Variants in MTPAP observed in about 807,000 individuals in gnomAD.
MTPAP encodes poly(A) RNA polymerase, mitochondrial.
In MTPAP, 23 loss-of-function variants were observed where a neutral mutation model predicts 48.7. That is an observed-to-expected ratio of 0.47 (90% CI 0.34 to 0.67). The LOEUF is 0.67. Ranked by LOEUF, MTPAP falls within the 30% of genes least tolerant of loss-of-function variation. MTPAP has a pLI of 0.01. For missense variants in MTPAP, 614 were observed against 694.3 expected (o/e 0.88, Z 1.30); for synonymous variants, 257 against 254.1 (o/e 1.01, Z -0.11).
intron 5 of MTPAP, among the ~76,000 whole-genome samples, chr10:30,324,909 C>A (rs370696230): frequency 6.6e-6 from 1 of 151,786 alleles, no homozygotes; most frequent in East Asian, 1.9e-4. Flanking sequence ...TTGATTGAAG[C>A]CAGGAGGCGG....
At chr10:30,337,949 G>C (rs757867040) in intron 3 of MTPAP, among the ~76,000 whole-genome samples, 8 of 152,096 alleles carry the variant, frequency 5.3e-5, no homozygotes, top group Non-Finnish European at 5.9e-5. Flanking sequence ...AACTTCAAAT[G>C]CTCTTATTTG....
chr10:30,323,672 G>A (rs1313376620), intron 5 of MTPAP, among the ~76,000 whole-genome samples: 2 of 151,976 alleles, frequency 1.3e-5, no homozygotes, highest in Admixed American at 6.6e-5. Flanking sequence ...ACCACGCCCG[G>A]CTAATTTTTT....
chr10:30,313,115 AT>A lies in MTPAP; in HGVS notation c.*493del. 5.8e-6 allele frequency: 1 copy of A among 173,120 alleles called. No homozygotes were observed. The highest frequency in any genetic ancestry group is 1.4e-4 in the South Asian group (1 of 7,116). The allele number at this position is 173,120 out of a possible 1,614,324, so 10.7% of individuals were successfully genotyped here. On this transcript the variant is annotated 3_prime_UTR_variant, in exon 9 of 9. Coordinates refer to ENST00000263063, the MANE Select transcript of MTPAP (RefSeq NM_018109.4). ...AACGTACTGTACATAACTAAAAGTC[AT>A]TTTAAATGTTTTCTAAACAGGGACT...
intron 4 of MTPAP, among the ~76,000 whole-genome samples, chr10:30,331,058 G>T (rs1025809565): frequency 6.6e-6 from 1 of 152,128 alleles, no homozygotes; most frequent in Non-Finnish European, 1.5e-5. Flanking sequence ...TGCAAGCCAC[G>T]AAGAATCACA....
Position 30,313,742 on chromosome 10 carries a change from T to C in MTPAP, c.1616A>G (p.Lys539Arg). Residue 539 changes from lysine to arginine, a missense_variant, in exon 9 of 9, where the codon AAG becomes AGG. Coordinates refer to ENST00000263063, the MANE Select transcript of MTPAP (RefSeq NM_018109.4). ...SLLLPSAPNR[K>R]SFTKKKSNKF... ...ATTGCTTTTCTTCTTGGTAAAGGAC[T>C]TTCTGTTTGGAGCAGATGGTAGCAA... 6.2e-7 allele frequency: 1 copy of C among 1,614,238 alleles called. No individual in the cohort carries two copies. The highest frequency in any genetic ancestry group is 8.5e-7 in the Non-Finnish European group (1 of 1,180,030).
intron 5 of MTPAP, among the ~76,000 whole-genome samples, chr10:30,323,611 G>A (rs971842817): frequency 5.9e-5 from 9 of 152,172 alleles, no homozygotes; most frequent in Non-Finnish European, 8.8e-5. Context: ...CTGGGTTCAC[G>A]CCATTCTCCT....
chr10:30,347,649 T>C (rs1158294211), intron 1 of MTPAP, among the ~76,000 whole-genome samples: 1 of 152,184 alleles, frequency 6.6e-6, no homozygotes, highest in Non-Finnish European at 1.5e-5. Context: ...CCCAGCACTT[T>C]GGGAGGCCAA....
At chr10:30,339,623 T>C (rs12250500) in intron 3 of MTPAP, among the ~76,000 whole-genome samples, 3,708 of 152,164 alleles carry the variant, frequency 0.024, 135 homozygotes, top group African/African-American at 0.084. Context: ...TTCAGAAGAA[T>C]GTGGTTACCT....
Position 30,336,753 on chromosome 10 carries a change from A to C in MTPAP, c.780+50T>G. ...ATTAAGTTCAAAGATTTTTCTTTTT[A>C]TACTTTCTTAACTTTACATGATTAT... On this transcript the variant is annotated intron_variant, in intron 4 of 8. Coordinates refer to ENST00000263063, the MANE Select transcript of MTPAP (RefSeq NM_018109.4). The C allele has an allele frequency of 2.1e-6, 3 of 1,412,568 alleles. No individual in the cohort carries two copies. In the South Asian group the frequency reaches 3.5e-5, roughly 16 times the overall value. 87.5% of individuals were successfully genotyped at this position (1,412,568 alleles called of 1,614,324 possible). A position where few individuals can be genotyped will look rare whatever the true frequency, so the allele number is the denominator to read the frequency against.
intron 6 of MTPAP, among the ~76,000 whole-genome samples, chr10:30,319,127 C>T (rs1007052348): frequency 1.3e-5 from 2 of 152,112 alleles, no homozygotes; most frequent in African/African-American, 2.4e-5. Context: ...AAAAAAAGCA[C>T]AAAACATCAG....
At chr10:30,328,508 T>C (rs1289618301) in intron 4 of MTPAP, among the ~76,000 whole-genome samples, 2 of 152,232 alleles carry the variant, frequency 1.3e-5, no homozygotes, top group African/African-American at 4.8e-5. Flanking sequence ...GTACTATCCA[T>C]GTGGTATACA....
At position 30,336,983 on chromosome 10, in the gene MTPAP, T is replaced by C. The variant is rs1245875438; in HGVS notation, c.600A>G (p.Thr200=). Residue 200 remains threonine (T), a synonymous_variant, in exon 4 of 9, where the codon ACA becomes ACG. Transcript: ENST00000263063. The part of the protein sequence containing the change: ...LNTLLKEFQL[T]EENTKLRYLT... The stretch of plus-strand genomic sequence containing the variant: ...GATATCGGAGCTTAGTGTTCTCCTC[T>C]GTTAGCTGGAACTCCTTCAAGAGAG... 1.4e-5 allele frequency: 23 copies of C among 1,613,622 alleles called. No individual in the cohort carries two copies. Among genetic ancestry groups the C allele is most frequent in the South Asian group, 2.2e-5 (2 of 91,056 alleles).
chr10:30,324,374 A>C (rs1387415703), intron 5 of MTPAP, among the ~76,000 whole-genome samples: 2 of 152,034 alleles, frequency 1.3e-5, no homozygotes. Flanking sequence ...ATATAAAAGA[A>C]AAACAAAATT....
Position 30,311,978 on chromosome 10 carries a change from C to G in MTPAP, c.*1631G>C, listed in dbSNP as rs1211091243. 6.6e-6 allele frequency: 1 copy of G among 152,250 alleles called. No homozygotes were observed. Among genetic ancestry groups the G allele is most frequent in the Non-Finnish European group, 1.5e-5 (1 of 68,108 alleles). 9.4% of individuals were successfully genotyped at this position (152,250 alleles called of 1,614,324 possible). A position where few individuals can be genotyped will look rare whatever the true frequency, so the allele number is the denominator to read the frequency against. The stretch of plus-strand genomic sequence containing the variant: ...CCTGGCCAACATGGTGAAACCCTGT[C>G]CCTACTAAAACTACAAAAATTAGCT... On this transcript the variant is annotated 3_prime_UTR_variant, in exon 9 of 9. Transcript: ENST00000263063.
rs1462696955 is a variant in MTPAP, at chr10:30,316,550, C to T, written c.1220-340G>A. On this transcript the variant is annotated intron_variant, in intron 6 of 8. Transcript: ENST00000263063. ...GAGCCACCGCACCCAGCCTATTTCACATATTTCAAAGATATTCCCTACCTC... is the reference window on the plus strand; with the variant it reads ...GAGCCACCGCACCCAGCCTATTTCATATATTTCAAAGATATTCCCTACCTC... Among the ~76,000 whole-genome samples, 6 of 150,210 alleles carry T rather than the reference C, an allele frequency of 4.0e-5. No homozygotes were observed. The East Asian group carries it at 1.2e-3, about 30-fold the overall frequency.
intron 7 of MTPAP, 38 bp downstream of exon 7, chr10:30,316,080 C>A (rs1220787103): frequency 6.2e-7 from 1 of 1,608,670 alleles, no homozygotes; most frequent in African/African-American, 1.3e-5. Flanking sequence ...AAGCCTGTTT[C>A]AATCCAGAAA....
intron 5 of MTPAP, among the ~76,000 whole-genome samples, chr10:30,323,670 C>G (rs577940856): frequency 6.6e-6 from 1 of 151,950 alleles, no homozygotes; most frequent in East Asian, 2.0e-4. Context: ...CCACCACGCC[C>G]GGCTAATTTT....
Position 30,310,206 on chromosome 10 carries a change from T to C in MTPAP, c.*3403A>G, listed in dbSNP as rs1840574090. The C allele has an allele frequency of 6.6e-6, 1 of 152,208 alleles. No homozygotes were observed. The highest frequency in any genetic ancestry group is 2.4e-5 in the African/African-American group (1 of 41,456). The allele number at this position is 152,208 out of a possible 1,614,324, so 9.4% of individuals were successfully genotyped here. A position where few individuals can be genotyped will look rare whatever the true frequency, so the allele number is the denominator to read the frequency against. ...TCACGTAATAAAAATATTTTAAAAA[T>C]CTGGGTTGTGATACACTAAAGTTAT... On this transcript the variant is annotated 3_prime_UTR_variant, in exon 9 of 9. Coordinates refer to ENST00000263063, the MANE Select transcript of MTPAP (RefSeq NM_018109.4).
intron 4 of MTPAP, 131 bp downstream of exon 4, chr10:30,336,670 TAC>T: frequency 2.5e-6 from 2 of 793,498 alleles, no homozygotes; most frequent in Non-Finnish European, 4.3e-6. Flanking sequence ...CAATAACAAA[TAC>T]ACCTTATTCT....
Sources: allele counts gnomAD v4.1 joint callset (sites outside exome capture counted in the v4.1 genomes callset), GRCh38; gene constraint gnomAD v4.1.1; transcripts MANE v1.5; gene names NCBI Gene and HGNC (gene_info 2026-07-23, HGNC 2026-07-21).